The following UBE4B variants were observed in gnomAD, a reference collection of about 807,000 sequenced individuals.
The protein encoded by UBE4B is ubiquitination factor E4B.
UBE4B carries 27 observed loss-of-function variants against 148.1 expected under a neutral mutation model. The observed-to-expected ratio is 0.18, with a 90% confidence interval of 0.13 to 0.25. The LOEUF is 0.25. UBE4B is among the 10% of genes least tolerant of loss of function. The probability of loss-of-function intolerance (pLI) is 1.00; values close to 1 mark genes in which losing one functional copy is unlikely to be tolerated. For missense variants in UBE4B, 1,170 were observed against 1,662.4 expected, an observed-to-expected ratio of 0.70 and a Z score of 5.15; for synonymous variants, 596 against 619.3, an observed-to-expected ratio of 0.96 and a Z score of 0.56.
chr1:10,156,996 C>T (rs558290022), intron 21 of UBE4B, among the ~76,000 whole-genome samples: 1 of 151,846 alleles, frequency 6.6e-6, no homozygotes, highest in African/African-American at 2.4e-5. Flanking sequence ...AGTGAGACCC[C>T]ATCTGTAAAA....
chr1:10,145,832 A>G (rs1032338556), intron 18 of UBE4B, among the ~76,000 whole-genome samples: 1 of 152,174 alleles, frequency 6.6e-6, no homozygotes, highest in Non-Finnish European at 1.5e-5. Context: ...CTAACTATAG[A>G]TGGGAATATT....
chr1:10,136,096 A>G (rs1203902415), intron 16 of UBE4B, among the ~76,000 whole-genome samples: 1 of 152,216 alleles, frequency 6.6e-6, no homozygotes, highest in Non-Finnish European at 1.5e-5. Flanking sequence ...ACATAATTTA[A>G]TACCATTTCG....
intron 23 of UBE4B, among the ~76,000 whole-genome samples, chr1:10,165,537 G>A (rs531117307): frequency 6.6e-6 from 1 of 152,218 alleles, no homozygotes; most frequent in East Asian, 1.9e-4. Context: ...GCCAAATCCT[G>A]TGGTGAGAGC....
intron 17 of UBE4B, among the ~76,000 whole-genome samples, chr1:10,141,043 A>G (rs368180787): frequency 1.3e-5 from 2 of 152,220 alleles, no homozygotes; most frequent in African/African-American, 2.4e-5. Flanking sequence ...TTAGCCCTAC[A>G]TAGAAGTATA....
intron 2 of UBE4B, among the ~76,000 whole-genome samples, chr1:10,084,404 T>A (rs1026291730): frequency 3.9e-5 from 6 of 152,304 alleles, no homozygotes; most frequent in Admixed American, 2.6e-4. Flanking sequence ...ATTCACTATC[T>A]TGATTTTCAG....
chr1:10,150,560 C>T (rs950007941), intron 20 of UBE4B, among the ~76,000 whole-genome samples: 9 of 152,146 alleles, frequency 5.9e-5, no homozygotes, highest in African/African-American at 7.2e-5. Context: ...TGTCTTGTTA[C>T]AGTGTGAATA....
intron 4 of UBE4B, 122 bp from the exon 5 acceptor site, chr1:10,102,825 GT>G: frequency 1.9e-6 from 2 of 1,071,904 alleles, no homozygotes; most frequent in East Asian, 2.5e-5. Flanking sequence ...TGGGTGAATG[GT>G]TTCATGCATT....
At position 10,161,344 on chromosome 1, in the gene UBE4B, G is replaced by C; in HGVS notation, c.3198+58G>C. Reference sequence around the variant, plus strand: ...TGCAGGCCATCTGCCTCCACACACGGGCAGAGCTGCTTTGGGGCTGCATTT... The same window carrying C: ...TGCAGGCCATCTGCCTCCACACACGCGCAGAGCTGCTTTGGGGCTGCATTT... On this transcript the variant is annotated intron_variant, in intron 23 of 27. Transcript: ENST00000343090. This position sits in a 1 kb window ranked among gnomAD's most constrained non-coding sequence, Gnocchi z 4.1. The C allele has an allele frequency of 6.3e-7, 1 of 1,583,286 alleles. No individual in the cohort carries two copies. Among genetic ancestry groups the C allele is most frequent in the Non-Finnish European group, 8.6e-7 (1 of 1,161,630 alleles).
chr1:10,088,462 G>A (rs1000031579), intron 2 of UBE4B, among the ~76,000 whole-genome samples: 5 of 151,606 alleles, frequency 3.3e-5, no homozygotes, highest in African/African-American at 4.9e-5. Flanking sequence ...TGCAACTTCC[G>A]CCTCCCGGGT....
chr1:10,095,365 G>T, intron 2 of UBE4B, 96 bp from the exon 3 acceptor site: 1 of 1,456,932 alleles, frequency 6.9e-7, no homozygotes, highest in South Asian at 1.3e-5. Flanking sequence ...ATGTCATGAT[G>T]GGTGACTGCA....
Position 10,033,423 on chromosome 1 carries a change from G to T in UBE4B, c.-248G>T, listed in dbSNP as rs1643376340. The T allele has an allele frequency of 2.6e-6, 1 of 380,758 alleles. No individual in the cohort carries two copies. The highest frequency in any genetic ancestry group is 4.7e-6 in the Non-Finnish European group (1 of 214,210). 23.6% of individuals were successfully genotyped at this position (380,758 alleles called of 1,614,324 possible). A position where few individuals can be genotyped will look rare whatever the true frequency, so the allele number is the denominator to read the frequency against. On this transcript the variant is annotated 5_prime_UTR_variant, in exon 1 of 28. Coordinates refer to ENST00000343090, the MANE Select transcript of UBE4B (RefSeq NM_001105562.3). ...ACAACCCTGTAGCAGCAGCAGTGGC[G>T]GCCAAAGGAGGCTGCTCAGGGAACA...
rs779124753 is a variant in UBE4B at position 10,147,077 on chromosome 1, C to T, written c.2578C>T (p.Pro860Ser). 1 of 1,614,122 alleles carries T rather than the reference C, an allele frequency of 6.2e-7. No homozygotes were observed. Residue 860 changes from proline to serine, a missense_variant, in exon 19 of 28, where the codon CCC becomes TCC. By Grantham distance (74) the Pro-to-Ser change is moderately conservative. Coordinates refer to ENST00000343090, the MANE Select transcript of UBE4B (RefSeq NM_001105562.3). ...LIQLLLRILD[P>S]AYPDITLPLN... ...TCAGCTGCTGCTCCGCATCCTGGACCCCGCATATCCCGAGTGAGTGTGCTT... is the reference window on the plus strand; with the variant it reads ...TCAGCTGCTGCTCCGCATCCTGGACTCCGCATATCCCGAGTGAGTGTGCTT...
At chr1:10,116,601 T>C (rs1012065011) in intron 7 of UBE4B, among the ~76,000 whole-genome samples, 6 of 152,380 alleles carry the variant, frequency 3.9e-5, no homozygotes, top group African/African-American at 1.4e-4. Context: ...ACACCAGATT[T>C]GTTATGTGGC....
chr1:10,105,395 A>G, intron 5 of UBE4B, 121 bp from the exon 6 acceptor site: 2 of 775,898 alleles, frequency 2.6e-6, no homozygotes, highest in Non-Finnish European at 2.1e-6. Context: ...TCCTTTTACC[A>G]TTCCAGAATC....
intron 4 of UBE4B, 113 bp downstream of exon 4, chr1:10,101,308 G>A: frequency 1.1e-6 from 1 of 937,388 alleles, no homozygotes; most frequent in Non-Finnish European, 1.6e-6. Flanking sequence ...GTCCTAGGCA[G>A]GTGATTATTT....
At position 10,055,692 on chromosome 1, in the gene UBE4B, G is replaced by A. The variant is rs540801136; in HGVS notation, c.25-16336G>A. Among the ~76,000 whole-genome samples the A allele has an allele frequency of 4.0e-3, 614 of 152,242 alleles. 2 individuals are homozygous for A. Among genetic ancestry groups the A allele is most frequent in the Middle Eastern group, 0.01 (3 of 294 alleles). On this transcript the variant is annotated intron_variant, in intron 1 of 27. Coordinates refer to ENST00000343090, the MANE Select transcript of UBE4B (RefSeq NM_001105562.3). The stretch of plus-strand genomic sequence containing the variant: ...CCCAGCACTTTGGGAGGCCAAGGTG[G>A]GCAGATCACTTGAGATGAGGAGTTT...
intron 21 of UBE4B, 91 bp downstream of exon 21, chr1:10,151,652 C>T: frequency 9.2e-7 from 1 of 1,084,890 alleles, no homozygotes; most frequent in Non-Finnish European, 1.4e-6. Context: ...AAGCCTGTTA[C>T]CTAATATCCT....
intron 2 of UBE4B, among the ~76,000 whole-genome samples, chr1:10,090,164 G>C (rs1644823725): frequency 6.6e-6 from 1 of 151,896 alleles, no homozygotes; most frequent in Non-Finnish European, 1.5e-5. Context: ...TTGTTGCCCA[G>C]GCCGAAGTGC....
intron 1 of UBE4B, among the ~76,000 whole-genome samples, chr1:10,046,655 C>G (rs1365241480): frequency 6.6e-6 from 1 of 152,142 alleles, no homozygotes; most frequent in Non-Finnish European, 1.5e-5. Flanking sequence ...CCTCTGTAGC[C>G]TCTGACTTTA....
Sources: allele counts gnomAD v4.1 joint callset (sites outside exome capture counted in the v4.1 genomes callset), GRCh38; gene constraint gnomAD v4.1.1; non-coding constraint Gnocchi (gnomAD v3.1); transcripts MANE v1.5; gene names NCBI Gene and HGNC (gene_info 2026-07-23, HGNC 2026-07-21).